The following TCF12 variants were observed in gnomAD, a reference collection of about 807,000 sequenced individuals.
TCF12 encodes DNA-binding protein HTF4.
TCF12 carries 45 observed loss-of-function variants against 86.0 expected under a neutral mutation model. That is an observed-to-expected ratio of 0.52 (90% CI 0.41 to 0.67). The LOEUF is 0.67. Ranked by LOEUF, TCF12 falls within the 30% of genes least tolerant of loss-of-function variation. The pLI is 0.00. For synonymous variants in TCF12, 330 were observed against 299.6 expected, an observed-to-expected ratio of 1.10 and a Z score of -1.05; for missense variants, 881 against 859.9, an observed-to-expected ratio of 1.02 and a Z score of -0.31.
At position 57,142,462 on chromosome 15, in the gene TCF12, G is replaced by A. The variant is rs2053047770; in HGVS notation, c.326-23940G>A. ...TCTTGTTATTCTGGAAAGGAAGGAT[G>A]TGCCAAAAGCCAGGCTAAAGGGGCT... is the stretch of plus-strand genomic sequence containing the variant. On this transcript the variant is annotated intron_variant, in intron 5 of 20. Coordinates refer to ENST00000333725, the MANE Select transcript of TCF12 (RefSeq NM_207037.2). 2.0e-5 allele frequency among the ~76,000 whole-genome samples: 3 copies of A among 151,068 alleles called. No homozygotes were observed. The Admixed American group carries it at 2.0e-4, about 10-fold the overall frequency.
chr15:56,990,228 CGT>C (rs746828741), intron 3 of TCF12, among the ~76,000 whole-genome samples: 1 of 121,440 alleles, frequency 8.2e-6, no homozygotes, highest in Non-Finnish European at 1.6e-5. Context: ...TAATCTTTAT[CGT>C]GTGTGTGTGT....
intron 5 of TCF12, among the ~76,000 whole-genome samples, chr15:57,124,049 A>G (rs2051450384): frequency 6.6e-6 from 1 of 151,318 alleles, no homozygotes; most frequent in African/African-American, 2.4e-5. Flanking sequence ...TCCTGAGCTC[A>G]AGTGATCCCG....
At position 57,091,901 on chromosome 15, in the gene TCF12, T is replaced by C. The variant is rs2049015343; in HGVS notation, c.325+10T>C. 6.2e-7 allele frequency: 1 copy of C among 1,607,834 alleles called. No homozygotes were observed. Among genetic ancestry groups the C allele is most frequent in the African/African-American group, 1.3e-5 (1 of 74,740 alleles). On this transcript the variant is annotated intron_variant, in intron 5 of 20. Coordinates refer to ENST00000333725, the MANE Select transcript of TCF12 (RefSeq NM_207037.2). ...AACTCAAATCTGATGGGTAAGTTGG[T>C]AATTCTCTGCAAGTAGTCTTCTCAA...
chr15:56,990,471 A>G lies in TCF12; in HGVS notation c.148+69373A>G, dbSNP rs2063396088. 3.9e-5 allele frequency among the ~76,000 whole-genome samples: 6 copies of G among 152,184 alleles called. No homozygotes were observed. The South Asian group carries it at 1.2e-3, about 32-fold the overall frequency. ...TTTCTTCAAAGAAAGCTCCATCATA[A>G]GGTGGTTTTTCTTCGTGGTGCTTAT... On this transcript the variant is annotated intron_variant, in intron 3 of 20. Coordinates refer to ENST00000333725, the MANE Select transcript of TCF12 (RefSeq NM_207037.2).
At chr15:57,070,697 G>C (rs2069296638) in intron 4 of TCF12, among the ~76,000 whole-genome samples, 2 of 152,120 alleles carry the variant, frequency 1.3e-5, no homozygotes, top group African/African-American at 2.4e-5. Flanking sequence ...GAAGAGTTTG[G>C]CTAAGAACCT....
At chr15:57,259,822 A>G (rs1204374860) in intron 16 of TCF12, among the ~76,000 whole-genome samples, 1 of 152,242 alleles carries the variant, frequency 6.6e-6, no homozygotes, top group Non-Finnish European at 1.5e-5. Context: ...CACCTGTTGT[A>G]TGTGTAGACA....
chr15:57,051,737 C>T (rs535069321), intron 3 of TCF12, among the ~76,000 whole-genome samples: 1 of 152,308 alleles, frequency 6.6e-6, no homozygotes, highest in East Asian at 1.9e-4. Context: ...GGATCTTACC[C>T]AGAGAGTCTG....
chr15:56,950,882 G>T (rs145076677), intron 3 of TCF12, among the ~76,000 whole-genome samples: 33 of 149,984 alleles, frequency 2.2e-4, no homozygotes, highest in African/African-American at 7.8e-4. Context: ...TCAGCCTCCC[G>T]AGTAGCTGGG....
intron 3 of TCF12, among the ~76,000 whole-genome samples, chr15:56,975,723 A>G (rs542003424): frequency 6.6e-6 from 1 of 152,122 alleles, no homozygotes; most frequent in Non-Finnish European, 1.5e-5. Context: ...CAGATAGCCA[A>G]TTACAAGTAA....
chr15:57,069,575 C>T (rs1234355990), intron 4 of TCF12, among the ~76,000 whole-genome samples: 1 of 152,160 alleles, frequency 6.6e-6, no homozygotes, highest in Non-Finnish European at 1.5e-5. Flanking sequence ...TTATTTCCTA[C>T]ATGAGGAAAC....
intron 12 of TCF12, among the ~76,000 whole-genome samples, chr15:57,239,149 C>T (rs576053929): frequency 6.6e-6 from 1 of 151,846 alleles, no homozygotes; most frequent in South Asian, 2.1e-4. Context: ...GTCGGGAGTT[C>T]GAGACCAGCC....
rs1429019928 is a variant in TCF12 at position 57,251,378 on chromosome 15, G to T, written c.1143G>T (p.Gly381=). 2.5e-6 allele frequency: 4 copies of T among 1,613,904 alleles called. No individual in the cohort carries two copies. Among genetic ancestry groups the T allele is most frequent in the Non-Finnish European group, 3.4e-6 (4 of 1,179,886 alleles). ...CCAGTCAGTGGCCAAGACCTGGAGGGCAAGCACCTTCATCCCCAAGCTATG... is the reference window on the plus strand; with the variant it reads ...CCAGTCAGTGGCCAAGACCTGGAGGTCAAGCACCTTCATCCCCAAGCTATG... ...TGTSQWPRPG[G]QAPSSPSYEN... is the part of the protein sequence containing the mutation. Residue 381 remains glycine, a synonymous_variant, in exon 14 of 21, where the codon GGG becomes GGT. Transcript: ENST00000333725.
At chr15:57,059,489 A>C (rs1454258322) in intron 3 of TCF12, among the ~76,000 whole-genome samples, 1 of 151,812 alleles carries the variant, frequency 6.6e-6, no homozygotes, top group Non-Finnish European at 1.5e-5. Context: ...ATATTTTCCC[A>C]TTTCCTGTCT....
At chr15:57,105,521 T>C (rs931033811) in intron 5 of TCF12, among the ~76,000 whole-genome samples, 11 of 152,154 alleles carry the variant, frequency 7.2e-5, no homozygotes, top group Non-Finnish European at 1.3e-4. Flanking sequence ...CAAGCGATTC[T>C]CCTGCCTCAG....
intron 19 of TCF12, among the ~76,000 whole-genome samples, chr15:57,277,110 T>G (rs1000576582): frequency 6.6e-6 from 1 of 152,120 alleles, no homozygotes; most frequent in Non-Finnish European, 1.5e-5. Flanking sequence ...CTGGCCAGTT[T>G]CAACCTAGAA....
intron 7 of TCF12, among the ~76,000 whole-genome samples, chr15:57,193,948 C>A (rs1006232152): frequency 6.6e-6 from 1 of 152,122 alleles, no homozygotes; most frequent in African/African-American, 2.4e-5. Flanking sequence ...TTTTCCATCT[C>A]CAGTCTTGTT....
At chr15:57,220,531 G>A (rs1180554822) in intron 8 of TCF12, among the ~76,000 whole-genome samples, 3 of 152,074 alleles carry the variant, frequency 2.0e-5, no homozygotes, top group Non-Finnish European at 2.9e-5. Flanking sequence ...TCCAAAGAAT[G>A]CACTGTACTT....
intron 6 of TCF12, among the ~76,000 whole-genome samples, chr15:57,180,878 G>A (rs1239109086): frequency 2.3e-5 from 3 of 127,864 alleles, no homozygotes; most frequent in Non-Finnish European, 1.6e-5. Context: ...GCAGTGGTGT[G>A]ATCTCGGCTC....
At chr15:56,949,579 A>C (rs925654000) in intron 3 of TCF12, among the ~76,000 whole-genome samples, 1 of 152,236 alleles carries the variant, frequency 6.6e-6, no homozygotes. Flanking sequence ...GTGTAAGAAG[A>C]CCGGCTTTTG....
Sources: allele counts gnomAD v4.1 joint callset (sites outside exome capture counted in the v4.1 genomes callset), GRCh38; gene constraint gnomAD v4.1.1; transcripts MANE v1.5; gene names NCBI Gene and HGNC (gene_info 2026-07-23, HGNC 2026-07-21).